ETS1: variants seen among roughly 807,000 people sequenced by gnomAD.
ETS1 encodes protein C-ets-1.
ETS1 carries 15 observed loss-of-function variants against 58.6 expected under a neutral mutation model. That is an observed-to-expected ratio of 0.26 (90% CI 0.17 to 0.39). The LOEUF (loss-of-function observed/expected upper bound fraction) is 0.39, where lower values mean the gene tolerates loss of function less well. Among genes scored for constraint, ETS1 ranks in the 10% least tolerant of loss-of-function variants. The pLI is 1.00. For synonymous variants in ETS1, 214 were observed against 218.2 expected (o/e 0.98, Z 0.17); for missense variants, 417 against 610.5 (o/e 0.68, Z 3.34).
At chr11:128,474,238 C>T (rs183865654) in intron 8 of ETS1, among the ~76,000 whole-genome samples, 8 of 152,312 alleles carry the variant, frequency 5.3e-5, no homozygotes, top group Non-Finnish European at 7.4e-5. Flanking sequence ...ATGTATTGTA[C>T]AGTATGAATA....
At chr11:128,530,235 G>C (rs1863873053) in intron 3 of ETS1, 1 of 152,252 alleles carries the variant, frequency 6.6e-6, no homozygotes, top group South Asian at 2.1e-4. Context: ...TCCACATCTT[G>C]CATCAGCCCT....
chr11:128,541,316 C>T (rs1437493203), intron 3 of ETS1, among the ~76,000 whole-genome samples: 4 of 152,216 alleles, frequency 2.6e-5, no homozygotes, highest in African/African-American at 9.6e-5. Context: ...TAAAGATGCT[C>T]TAATGTCACT....
intron 3 of ETS1, among the ~76,000 whole-genome samples, chr11:128,506,419 G>A (rs549848609): frequency 6.6e-6 from 1 of 152,302 alleles, no homozygotes; most frequent in African/African-American, 2.4e-5. Flanking sequence ...AGCAAACACC[G>A]CCTAAGTACA....
intron 8 of ETS1, among the ~76,000 whole-genome samples, chr11:128,471,582 G>A (rs1472873417): frequency 6.6e-6 from 1 of 152,248 alleles, no homozygotes; most frequent in Non-Finnish European, 1.5e-5. Context: ...AAGTCAGGAA[G>A]TGGGTTTCTT....
intron 8 of ETS1, among the ~76,000 whole-genome samples, chr11:128,478,101 G>A (rs373242709): frequency 2.0e-5 from 3 of 152,148 alleles, no homozygotes; most frequent in African/African-American, 7.2e-5. Context: ...AATTGTCAAG[G>A]AGAAAGAATT....
At chr11:128,532,282 G>C (rs537555253) in intron 3 of ETS1, among the ~76,000 whole-genome samples, 58 of 152,298 alleles carry the variant, frequency 3.8e-4, no homozygotes, top group Non-Finnish European at 5.7e-4. Context: ...TTAGGGAAAG[G>C]TTTCTCTTAT....
At chr11:128,520,105 G>A (rs943067410) in intron 3 of ETS1, among the ~76,000 whole-genome samples, 7 of 152,286 alleles carry the variant, frequency 4.6e-5, no homozygotes, top group East Asian at 1.9e-4. Context: ...TATAATGGAC[G>A]CTGACTGTAG....
intron 3 of ETS1, among the ~76,000 whole-genome samples, chr11:128,550,878 GAATAA>G (rs1175618216): frequency 6.6e-6 from 1 of 152,284 alleles, no homozygotes; most frequent in East Asian, 1.9e-4. Flanking sequence ...AAAATTGAAA[GAATAA>G]AATAAAATAA....
chr11:128,464,179 A>G lies in ETS1; in HGVS notation c.1124-552T>C, dbSNP rs186279094. On this transcript the variant is annotated intron_variant, in intron 8 of 9. Coordinates refer to ENST00000392668, the MANE Select transcript of ETS1 (RefSeq NM_001143820.2). This position sits in a 1 kb window ranked among gnomAD's most constrained non-coding sequence, Gnocchi z 4.1. Reference sequence around the variant, plus strand: ...TGTTAAATATCTGTTCAGTCATAATATTTCTCTCCACTGCCACCACCCTGC... The same window carrying G: ...TGTTAAATATCTGTTCAGTCATAATGTTTCTCTCCACTGCCACCACCCTGC... Among the ~76,000 whole-genome samples, 339 of 150,542 alleles carry G rather than the reference A, an allele frequency of 2.3e-3. 2 individuals are homozygous for G. Among genetic ancestry groups the G allele is most frequent in the African/African-American group, 8.1e-3 (330 of 40,862 alleles).
intron 8 of ETS1, among the ~76,000 whole-genome samples, chr11:128,470,796 A>C (rs1222223441): frequency 6.6e-6 from 1 of 152,028 alleles, no homozygotes; most frequent in African/African-American, 2.4e-5. Flanking sequence ...GAGGTTAAGG[A>C]AAAAAAAGTT....
intron 2 of ETS1, among the ~76,000 whole-genome samples, chr11:128,570,007 A>G (rs1864592643): frequency 6.6e-6 from 1 of 152,236 alleles, no homozygotes; most frequent in Non-Finnish European, 1.5e-5. Flanking sequence ...TTCAAAATTT[A>G]TTTAAAATAT....
intron 3 of ETS1, 98 bp from the exon 4 acceptor site, chr11:128,490,674 C>T (rs1168446582): frequency 4.7e-6 from 4 of 846,114 alleles, no homozygotes; most frequent in Admixed American, 2.1e-5. Flanking sequence ...AGCTGAGAAA[C>T]AACTGTGCTA....
At chr11:128,538,999 T>C (rs1175787104) in intron 3 of ETS1, among the ~76,000 whole-genome samples, 3 of 152,312 alleles carry the variant, frequency 2.0e-5, no homozygotes, top group Middle Eastern at 3.4e-3. Context: ...GAGAACCAGA[T>C]ACACATACGA....
intron 3 of ETS1, among the ~76,000 whole-genome samples, chr11:128,509,798 G>A (rs1379666289): frequency 6.6e-6 from 1 of 152,090 alleles, no homozygotes; most frequent in African/African-American, 2.4e-5. Context: ...TCAAATTTAT[G>A]ACTTGAAAAC....
intron 3 of ETS1, among the ~76,000 whole-genome samples, chr11:128,550,158 C>G (rs973346362): frequency 6.6e-6 from 1 of 152,196 alleles, no homozygotes; most frequent in Admixed American, 6.5e-5. Context: ...AGGCCTGTAC[C>G]GGGATGTGCT....
At chr11:128,538,165 G>T (rs551183790) in intron 3 of ETS1, among the ~76,000 whole-genome samples, 1 of 152,012 alleles carries the variant, frequency 6.6e-6, no homozygotes, top group Non-Finnish European at 1.5e-5. Flanking sequence ...AGAAACACTC[G>T]CATTAAATGA....
chr11:128,575,234 A>G (rs1383107974), intron 1 of ETS1, among the ~76,000 whole-genome samples: 1 of 152,242 alleles, frequency 6.6e-6, no homozygotes, highest in East Asian at 1.9e-4. Flanking sequence ...GCAGTAAGAG[A>G]TTAACAACAA....
chr11:128,482,438 T>C (rs1862510952), intron 7 of ETS1, among the ~76,000 whole-genome samples: 1 of 152,202 alleles, frequency 6.6e-6, no homozygotes, highest in African/African-American at 2.4e-5. Flanking sequence ...TCTGAAATGA[T>C]TCCATTTCTA....
intron 5 of ETS1, 62 bp downstream of exon 5, chr11:128,489,228 C>A: frequency 6.9e-7 from 1 of 1,446,642 alleles, no homozygotes; most frequent in Non-Finnish European, 9.7e-7. Context: ...TGGGTGAGCC[C>A]CCTACCTACT....
Sources: allele counts gnomAD v4.1 joint callset (sites outside exome capture counted in the v4.1 genomes callset), GRCh38; gene constraint gnomAD v4.1.1; non-coding constraint Gnocchi (gnomAD v3.1); transcripts MANE v1.5; gene names NCBI Gene and HGNC (gene_info 2026-07-23, HGNC 2026-07-21).